The following SLC26A5 variants were observed in gnomAD, a reference collection of about 807,000 sequenced individuals.
SLC26A5 encodes the protein prestin.
A neutral mutation model predicts 81.0 loss-of-function variants in SLC26A5; 51 were observed. That is an observed-to-expected ratio of 0.63 (90% confidence interval 0.50 to 0.80). SLC26A5 has a LOEUF of 0.80. Ranked by LOEUF, SLC26A5 falls within the 30% of genes least tolerant of loss-of-function variation. SLC26A5 has a pLI of 0.00. For missense variants in SLC26A5, 771 were observed against 905.8 expected (o/e 0.85, Z 1.91); for synonymous variants, 325 against 332.8 (o/e 0.98, Z 0.25).
rs141013688 is a variant in SLC26A5, at chr7:103,397,751, TTA to T, written c.971+179_971+180del. ...AAAAAAAGGTTAAGACAAAAATTTG[TTA>T]TGTGTTTTTTACTACAATAAAAATA... On this transcript the variant is annotated intron_variant, in intron 9 of 19. Coordinates refer to ENST00000306312, the MANE Select transcript of SLC26A5 (RefSeq NM_198999.3). Among the ~76,000 whole-genome samples the T allele has an allele frequency of 0.022, 3,315 of 151,286 alleles. 131 individuals carry two copies. The highest frequency in any genetic ancestry group is 0.076 in the African/African-American group (3,114 of 41,210).
chr7:103,363,336 T>A, intron 19 of SLC26A5: 1 of 1,606,018 alleles, frequency 6.2e-7, no homozygotes, highest in East Asian at 2.2e-5. Flanking sequence ...TTTCTGTCCC[T>A]CTCTTAGGTG....
chr7:103,387,823 A>C (rs1333120754), intron 14 of SLC26A5, among the ~76,000 whole-genome samples: 2 of 152,142 alleles, frequency 1.3e-5, no homozygotes, highest in Non-Finnish European at 2.9e-5. Flanking sequence ...CTGGGATTAC[A>C]GGTGCACGCC....
Position 103,410,463 on chromosome 7 carries a change from C to T in SLC26A5, c.657G>A (p.Val219=), listed in dbSNP as rs756877243. The T allele has an allele frequency of 6.2e-7, 1 of 1,614,042 alleles. No homozygotes were observed. Among genetic ancestry groups the T allele is most frequent in the South Asian group, 1.1e-5 (1 of 91,076 alleles). ...LVRGFTTAAA[V]HVFTSMLKYL... ...ATTTTAACATGGAGGTGAAGACATG[C>T]ACAGCTGCTGCGGTGGTAAACCCAC... Residue 219 remains valine (V), a synonymous_variant, in exon 7 of 20, where the codon GTG becomes GTA. Transcript: ENST00000306312.
At chr7:103,422,719 T>C (rs529375277) in intron 2 of SLC26A5, among the ~76,000 whole-genome samples, 2 of 152,270 alleles carry the variant, frequency 1.3e-5, no homozygotes, top group South Asian at 4.2e-4. Flanking sequence ...AGTAAACTGG[T>C]GCTTGTTACA....
chr7:103,372,131 G>A (rs1403422123), downstream of SLC26A5, among the ~76,000 whole-genome samples: 1 of 152,220 alleles, frequency 6.6e-6, no homozygotes, highest in Non-Finnish European at 1.5e-5. Context: ...GTCCGTATCA[G>A]AATGCAGATG....
At chr7:103,371,880 A>G (rs1821063120), downstream of SLC26A5, among the ~76,000 whole-genome samples, 1 of 151,800 alleles carries the variant, frequency 6.6e-6, no homozygotes, top group Non-Finnish European at 1.5e-5. Flanking sequence ...ATTTTTAAAT[A>G]GAGACAGGGT....
At chr7:103,379,109 A>G (rs1821582113) in intron 16 of SLC26A5, 134 bp downstream of exon 16, 2 of 694,680 alleles carry the variant, frequency 2.9e-6, no homozygotes, top group Non-Finnish European at 5.1e-6. Context: ...TATGTTATGT[A>G]TATTTTACTA....
At chr7:103,430,576 T>G (rs1015693271) in intron 2 of SLC26A5, among the ~76,000 whole-genome samples, 3 of 151,066 alleles carry the variant, frequency 2.0e-5, no homozygotes, top group African/African-American at 7.4e-5. Flanking sequence ...GGTCCTGGCT[T>G]CTGCCTGCTG....
At chr7:103,410,588 T>G in intron 6 of SLC26A5, 39 bp from the exon 7 acceptor site, 1 of 1,555,370 alleles carries the variant, frequency 6.4e-7, no homozygotes, top group South Asian at 1.2e-5. Context: ...ATGAATCACA[T>G]GATAGGTCAG....
chr7:103,421,352 A>G lies in SLC26A5; in HGVS notation c.152+11T>C, dbSNP rs745637019. ...GATACAATAACAGAAACAGGTTAAAAGGCAACGTACGTGAATGCCTGTTTC... is the reference window on the plus strand; with the variant it reads ...GATACAATAACAGAAACAGGTTAAAGGGCAACGTACGTGAATGCCTGTTTC... On this transcript the variant is annotated intron_variant, in intron 3 of 19. Coordinates refer to ENST00000306312, the MANE Select transcript of SLC26A5 (RefSeq NM_198999.3). 41 of 1,613,908 alleles carry G rather than the reference A, an allele frequency of 2.5e-5. No homozygotes were observed. The Admixed American group carries it at 6.7e-4, about 26-fold the overall frequency.
At chr7:103,415,495 C>T (rs1008319652) in intron 4 of SLC26A5, among the ~76,000 whole-genome samples, 9 of 152,124 alleles carry the variant, frequency 5.9e-5, no homozygotes, top group African/African-American at 1.7e-4. Context: ...ATGTGGGTAC[C>T]GGGTGGGAGT....
chr7:103,352,933 C>A, intron 19 of SLC26A5: 2 of 780,906 alleles, frequency 2.6e-6, no homozygotes, highest in Non-Finnish European at 4.8e-6. Context: ...AAAGCTGAAA[C>A]AAGAGGGTAG....
intron 14 of SLC26A5, among the ~76,000 whole-genome samples, chr7:103,384,996 C>T (rs1822072193): frequency 1.3e-5 from 2 of 152,066 alleles, no homozygotes; most frequent in South Asian, 2.1e-4. Context: ...ATATAATAGG[C>T]CCTCAACAAA....
intron 1 of SLC26A5, among the ~76,000 whole-genome samples, chr7:103,443,635 TA>T (rs1286955293): frequency 6.6e-6 from 1 of 152,230 alleles, no homozygotes; most frequent in East Asian, 1.9e-4. Context: ...CTTGATCAAT[TA>T]AAAACTTAAT....
intron 9 of SLC26A5, among the ~76,000 whole-genome samples, chr7:103,396,964 A>G (rs56350366): frequency 0.74 from 112,258 of 150,992 alleles, 42,389 homozygotes; most frequent in Middle Eastern, 0.84. Flanking sequence ...ATGTGGTGGC[A>G]CACACCTGTA....
At chr7:103,437,347 T>C (rs1022777052) in intron 2 of SLC26A5, among the ~76,000 whole-genome samples, 1 of 152,188 alleles carries the variant, frequency 6.6e-6, no homozygotes, top group Non-Finnish European at 1.5e-5. Context: ...TGTATATTAG[T>C]ACAACCATTA....
At chr7:103,370,551 A>G (rs532583640), downstream of SLC26A5, among the ~76,000 whole-genome samples, 103 of 152,350 alleles carry the variant, frequency 6.8e-4, 3 homozygotes, top group Admixed American at 6.1e-3. Context: ...GTAAGGACAC[A>G]GGATCAAACC....
chr7:103,357,869 GTT>G (rs1165686907), intron 19 of SLC26A5, among the ~76,000 whole-genome samples: 20 of 152,050 alleles, frequency 1.3e-4, no homozygotes, highest in African/African-American at 4.8e-4. Flanking sequence ...AGATCTGTTC[GTT>G]TTCTCTCAGT....
At chr7:103,441,664 A>C (rs990189041) in intron 2 of SLC26A5, among the ~76,000 whole-genome samples, 4 of 152,202 alleles carry the variant, frequency 2.6e-5, no homozygotes, top group Non-Finnish European at 5.9e-5. Context: ...AAATTTCAAG[A>C]GGCTATTAAA....
Sources: allele counts gnomAD v4.1 joint callset (sites outside exome capture counted in the v4.1 genomes callset), GRCh38; gene constraint gnomAD v4.1.1; transcripts MANE v1.5; gene names NCBI Gene and HGNC (gene_info 2026-07-23, HGNC 2026-07-21).